MSH3: variants seen among roughly 807,000 people sequenced by gnomAD.
MSH3 encodes the protein mutS homolog 3.
MSH3 carries 106 observed loss-of-function variants against 123.3 expected under a neutral mutation model. The ratio of observed to expected loss-of-function variants is 0.86; its 90% confidence interval spans 0.73 to 1.01. MSH3 has a LOEUF of 1.01. Ranked by LOEUF, MSH3 falls within the 50% of genes least tolerant of loss-of-function variation. The pLI is 0.00. For missense variants in MSH3, 1,459 were observed against 1,347.6 expected (o/e 1.08, Z -1.29); for synonymous variants, 515 against 481.4 (o/e 1.07, Z -0.91).
At chr5:80,736,717 G>C (rs1017183606) in intron 10 of MSH3, among the ~76,000 whole-genome samples, 1 of 152,100 alleles carries the variant, frequency 6.6e-6, no homozygotes, top group Admixed American at 6.6e-5. Flanking sequence ...GGACCAGTCC[G>C]GCATAGAAAC....
chr5:80,791,702 A>G (rs375495560), intron 18 of MSH3, among the ~76,000 whole-genome samples: 5 of 152,308 alleles, frequency 3.3e-5, no homozygotes, highest in South Asian at 2.1e-4. Context: ...GGTGAAATCT[A>G]TTTTTTGTGT....
intron 8 of MSH3, among the ~76,000 whole-genome samples, chr5:80,698,916 G>A (rs1278205670): frequency 1.3e-5 from 2 of 152,052 alleles, no homozygotes; most frequent in Admixed American, 6.5e-5. Flanking sequence ...AAACCTGCAC[G>A]TTGTGCACAT....
At chr5:80,705,854 C>T (rs997012159) in intron 8 of MSH3, among the ~76,000 whole-genome samples, 7 of 152,164 alleles carry the variant, frequency 4.6e-5, no homozygotes, top group African/African-American at 1.4e-4. Context: ...AGGGCCCACC[C>T]TGATGGCCTC....
At chr5:80,803,409 T>A (rs1000967200) in intron 19 of MSH3, among the ~76,000 whole-genome samples, 12 of 151,998 alleles carry the variant, frequency 7.9e-5, no homozygotes, top group African/African-American at 1.9e-4. Context: ...TGCCCATTTT[T>A]AAATTTTTTT....
Position 80,821,722 on chromosome 5 carries a change from A to G in MSH3, c.2813+7981A>G, listed in dbSNP as rs142536757. Among the ~76,000 whole-genome samples, 654 of 152,342 alleles carry G rather than the reference A, an allele frequency of 4.3e-3. 5 individuals carry two copies. Among genetic ancestry groups the G allele is most frequent in the African/African-American group, 0.015 (606 of 41,578 alleles). ...CTGCATATTCTTACTGAGTATGCCAAGAAAGCCCCTGATTGCTTTTTACAT... is the reference window on the plus strand; with the variant it reads ...CTGCATATTCTTACTGAGTATGCCAGGAAAGCCCCTGATTGCTTTTTACAT... On this transcript the variant is annotated intron_variant, in intron 20 of 23. Transcript: ENST00000265081.
At chr5:80,809,197 G>A (rs1744963037) in intron 19 of MSH3, among the ~76,000 whole-genome samples, 1 of 151,796 alleles carries the variant, frequency 6.6e-6, no homozygotes, top group African/African-American at 2.4e-5. Context: ...TGCACGTAAG[G>A]CTAGGATTTC....
chr5:80,657,967 A>G (rs560560125), intron 2 of MSH3, among the ~76,000 whole-genome samples: 1 of 149,454 alleles, frequency 6.7e-6, no homozygotes, highest in South Asian at 2.1e-4. Flanking sequence ...ACACTGAATG[A>G]GCACCTATGA....
intron 19 of MSH3, among the ~76,000 whole-genome samples, chr5:80,812,467 C>T (rs1745024495): frequency 1.3e-5 from 2 of 152,074 alleles, no homozygotes; most frequent in South Asian, 4.1e-4. Flanking sequence ...TTTTTAGCCT[C>T]TCTTCAAGTT....
chr5:80,788,292 C>T (rs981784897), intron 18 of MSH3, among the ~76,000 whole-genome samples: 11 of 151,976 alleles, frequency 7.2e-5, no homozygotes, highest in African/African-American at 2.7e-4. Flanking sequence ...AAAAAATTAG[C>T]CGGGTGTGGT....
intron 17 of MSH3, among the ~76,000 whole-genome samples, chr5:80,782,851 T>C (rs1231807748): frequency 6.6e-6 from 1 of 152,174 alleles, no homozygotes; most frequent in Admixed American, 6.5e-5. Flanking sequence ...GCATTACAAA[T>C]GTATTTGTCA....
intron 19 of MSH3, among the ~76,000 whole-genome samples, chr5:80,797,385 C>T (rs1356061741): frequency 6.6e-6 from 1 of 152,190 alleles, no homozygotes; most frequent in East Asian, 1.9e-4. Flanking sequence ...TTTAATAAAT[C>T]AGTAAGGATT....
rs142897207 is a variant in MSH3, at chr5:80,757,932, G to T, written c.1764-3614G>T. ...CTTGCTTATTTCCATTCTGATCTTC[G>T]TACAGGAGTTGAAGATGGAATTATA... On this transcript the variant is annotated intron_variant, in intron 12 of 23. Coordinates refer to ENST00000265081, the MANE Select transcript of MSH3 (RefSeq NM_002439.5). Among the ~76,000 whole-genome samples, 3 of 151,956 alleles carry T rather than the reference G, an allele frequency of 2.0e-5. No homozygotes were observed. In the South Asian group the frequency reaches 6.2e-4, roughly 31 times the overall value.
At chr5:80,703,713 A>G (rs1245591022) in intron 8 of MSH3, among the ~76,000 whole-genome samples, 2 of 152,106 alleles carry the variant, frequency 1.3e-5, no homozygotes, top group Non-Finnish European at 2.9e-5. Flanking sequence ...ATTTTACTTC[A>G]GGAATGTGTT....
intron 8 of MSH3, among the ~76,000 whole-genome samples, chr5:80,708,541 T>A (rs1361090669): frequency 6.6e-6 from 1 of 152,092 alleles, no homozygotes; most frequent in East Asian, 1.9e-4. Flanking sequence ...CTCTGCATCC[T>A]TGAACTCCTG....
At chr5:80,714,130 C>CTTTTTTT (rs34918629) in intron 8 of MSH3, among the ~76,000 whole-genome samples, 26 of 85,820 alleles carry the variant, frequency 3.0e-4, no homozygotes, top group East Asian at 3.1e-4. Context: ...TTCAAATAGA[C>CTTTTTTT]TTTTTTTTTT....
intron 8 of MSH3, among the ~76,000 whole-genome samples, chr5:80,693,008 C>G (rs1390020842): frequency 7.4e-6 from 1 of 134,696 alleles, no homozygotes; most frequent in Admixed American, 7.6e-5. Flanking sequence ...TATACATGCA[C>G]ATGTATATGT....
chr5:80,739,350 C>T (rs1743570654), intron 10 of MSH3, among the ~76,000 whole-genome samples: 1 of 152,222 alleles, frequency 6.6e-6, no homozygotes, highest in Admixed American at 6.5e-5. Flanking sequence ...TTGTTTCTTC[C>T]TGTAAATAAT....
At chr5:80,794,143 G>A (rs1382894609) in intron 19 of MSH3, among the ~76,000 whole-genome samples, 1 of 152,186 alleles carries the variant, frequency 6.6e-6, no homozygotes, top group Non-Finnish European at 1.5e-5. Context: ...CTGGGTGATA[G>A]ATTTACATCA....
At chr5:80,803,654 A>G (rs1424785619) in intron 19 of MSH3, among the ~76,000 whole-genome samples, 1 of 151,872 alleles carries the variant, frequency 6.6e-6, no homozygotes, top group African/African-American at 2.4e-5. Context: ...TATTGCCCAG[A>G]CCAGTGTTCT....
Sources: gnomAD v4.1 joint callset for allele counts (sites outside exome capture counted in the v4.1 genomes callset) on GRCh38, gnomAD v4.1.1 for gene constraint, MANE v1.5 for transcripts, NCBI Gene and HGNC (gene_info 2026-07-23, HGNC 2026-07-21) for gene names.